Variants in TNFSF8 observed in about 807,000 individuals in gnomAD.
TNFSF8 encodes TNF superfamily member 8, also known as tumor necrosis factor ligand superfamily member 8.
TNFSF8 carries 4 observed loss-of-function variants against 22.0 expected under a neutral mutation model. That is an observed-to-expected ratio of 0.18 (90% CI 0.09 to 0.42). The LOEUF (loss-of-function observed/expected upper bound fraction) is 0.42. TNFSF8 is among the 10% of genes least tolerant of loss of function. The pLI is 1.00. For missense variants in TNFSF8, 233 were observed against 281.8 expected (o/e 0.83, Z 1.24); for synonymous variants, 106 against 112.5 (o/e 0.94, Z 0.37).
At chr9:114,923,646 T>C (rs1828021373) in intron 1 of TNFSF8, among the ~76,000 whole-genome samples, 1 of 151,878 alleles carries the variant, frequency 6.6e-6, no homozygotes, top group Non-Finnish European at 1.5e-5. Context: ...GCCTCCCTAG[T>C]AGCTGGGACT....
At chr9:114,928,151 G>C (rs1318642069) in intron 1 of TNFSF8, among the ~76,000 whole-genome samples, 1 of 152,154 alleles carries the variant, frequency 6.6e-6, no homozygotes, top group Non-Finnish European at 1.5e-5. Flanking sequence ...TGTACAATCA[G>C]ATTGCACAGT....
intron 1 of TNFSF8, among the ~76,000 whole-genome samples, chr9:114,922,666 G>A (rs992224481): frequency 1.3e-5 from 2 of 152,156 alleles, no homozygotes; most frequent in Non-Finnish European, 2.9e-5. Context: ...GGATAAAGCT[G>A]AGCAGAAAAA....
intron 1 of TNFSF8, among the ~76,000 whole-genome samples, chr9:114,923,522 C>CTTTCTTTCTTTCTTTCT (rs758823996): frequency 0.013 from 1,180 of 89,636 alleles, 19 homozygotes; most frequent in African/African-American, 0.03. Flanking sequence ...TTCTTTCTTT[C>CTTTCTTTCTTTCTTTCT]TTTTTTTTTT....
At chr9:114,895,757 A>G in intron 4 of TNFSF8, among the ~76,000 whole-genome samples, 1 of 152,186 alleles carries the variant, frequency 6.6e-6, no homozygotes, top group African/African-American at 2.4e-5. Flanking sequence ...TTCAGCTCAG[A>G]TTGAAACTGG....
chr9:114,918,131 A>C lies in TNFSF8; in HGVS notation c.203T>G (p.Ile68Ser). 2.5e-6 allele frequency: 4 copies of C among 1,606,916 alleles called. No individual in the cohort carries two copies. Among genetic ancestry groups the C allele is most frequent in the Non-Finnish European group, 3.4e-6 (4 of 1,176,680 alleles). The change falls in exon 2 of 4, where the codon ATT (isoleucine) becomes AGT (serine). Residue 68 changes from isoleucine to serine, a missense_variant. Coordinates refer to ENST00000223795, the MANE Select transcript of TNFSF8 (RefSeq NM_001244.4). ...GGGGACGTTGTCAGGTGAGTTGGGA[A>C]TGGAGTCCTGGAAGAAAAGAAAGAA... ...MVLVVQRTDS[I>S]PNSPDNVPLK...
At chr9:114,922,597 T>C (rs149949599) in intron 1 of TNFSF8, among the ~76,000 whole-genome samples, 2 of 152,310 alleles carry the variant, frequency 1.3e-5, no homozygotes, top group African/African-American at 4.8e-5. Flanking sequence ...ACTTAGGTGT[T>C]TGACTTTGAA....
rs1048337269 is a variant in TNFSF8 at position 114,928,505 on chromosome 9, G to A, written c.195+1604C>T. Among the ~76,000 whole-genome samples, 6 of 152,212 alleles carry A rather than the reference G, an allele frequency of 3.9e-5. No individual in the cohort carries two copies. The South Asian group carries it at 6.2e-4, about 16-fold the overall frequency. On this transcript the variant is annotated intron_variant, in intron 1 of 3. Coordinates refer to ENST00000223795, the MANE Select transcript of TNFSF8 (RefSeq NM_001244.4). ...CTCTCTAGCTTTATATATCACCATC[G>A]CCACCCATTTTTCCACCATCTCTCT... is the stretch of plus-strand genomic sequence containing the variant.
At chr9:114,927,450 C>G (rs1828077418) in intron 1 of TNFSF8, among the ~76,000 whole-genome samples, 1 of 152,184 alleles carries the variant, frequency 6.6e-6, no homozygotes, top group Non-Finnish European at 1.5e-5. Context: ...TCTCCTCTGT[C>G]TCTTTGCTCA....
At chr9:114,899,543 T>C (rs1332397675), downstream of TNFSF8, among the ~76,000 whole-genome samples, 1 of 152,152 alleles carries the variant, frequency 6.6e-6, no homozygotes, top group African/African-American at 2.4e-5. Flanking sequence ...TCTGGAGCTG[T>C]GCTTGTCCTT....
At position 114,902,881 on chromosome 9, in the gene TNFSF8, T is replaced by G; in HGVS notation, c.*1050A>C. On this transcript the variant is annotated 3_prime_UTR_variant, in exon 4 of 4. Coordinates refer to ENST00000223795, the MANE Select transcript of TNFSF8 (RefSeq NM_001244.4). ...TTTTATGTTGCCTTGGCAACCATTT[T>G]GTATACAAGTTTAATTTCTCATACC... 2 of 476,880 alleles carry G rather than the reference T, an allele frequency of 4.2e-6. No individual in the cohort carries two copies. The highest frequency in any genetic ancestry group is 5.5e-6 in the Non-Finnish European group (2 of 365,334). 29.5% of individuals were successfully genotyped at this position (476,880 alleles called of 1,614,324 possible). A position where few individuals can be genotyped will look rare whatever the true frequency, so the allele number is the denominator to read the frequency against.
intron 2 of TNFSF8, among the ~76,000 whole-genome samples, chr9:114,915,193 T>C (rs1369406408): frequency 6.6e-6 from 1 of 152,212 alleles, no homozygotes; most frequent in Non-Finnish European, 1.5e-5. Context: ...CTTCTGTGCC[T>C]GTTTAAGCTG....
chr9:114,895,945 T>G (rs1277089171), intron 4 of TNFSF8, among the ~76,000 whole-genome samples: 3 of 152,232 alleles, frequency 2.0e-5, no homozygotes, highest in Non-Finnish European at 4.4e-5. Flanking sequence ...AGGGAGACAG[T>G]TGGATCAAAA....
In TNFSF8 at chr9:114,901,455, C is replaced by T; in HGVS notation, c.*2476G>A. 2 of 985,394 alleles carry T rather than the reference C, an allele frequency of 2.0e-6. No homozygotes were observed. The highest frequency in any genetic ancestry group is 9.4e-5 in the South Asian group (2 of 21,294). The allele number at this position is 985,394 out of a possible 1,614,324, so 61.0% of individuals were successfully genotyped here. A position where few individuals can be genotyped will look rare whatever the true frequency, so the allele number is the denominator to read the frequency against. On this transcript the variant is annotated 3_prime_UTR_variant, in exon 4 of 4. Transcript: ENST00000223795. ...CACTCACAGTGCAAAAGTCAGGTACCTCTGCTCAGAGAACAGTTGGTGAAA... is the reference window on the plus strand; with the variant it reads ...CACTCACAGTGCAAAAGTCAGGTACTTCTGCTCAGAGAACAGTTGGTGAAA...
rs1469171548 is a variant in TNFSF8, at chr9:114,901,210, G to T, written c.*2721C>A. On this transcript the variant is annotated 3_prime_UTR_variant, in exon 4 of 4. Transcript: ENST00000223795. ...TCATTTTACTCATGGAGTATCATTT[G>T]CTCATAACATTCCCAGGGGCTGGTT... The T allele has an allele frequency of 1.0e-6, 1 of 985,286 alleles. No individual in the cohort carries two copies. Among genetic ancestry groups the T allele is most frequent in the African/African-American group, 1.7e-5 (1 of 57,212 alleles). The allele number at this position is 985,286 out of a possible 1,614,324, so 61.0% of individuals were successfully genotyped here.
intron 2 of TNFSF8, among the ~76,000 whole-genome samples, chr9:114,916,178 A>T (rs1277032887): frequency 2.6e-5 from 4 of 152,330 alleles, no homozygotes; most frequent in Admixed American, 6.5e-5. Context: ...ATGTTGTAAA[A>T]AAAGGACATT....
intron 3 of TNFSF8, among the ~76,000 whole-genome samples, chr9:114,905,491 T>G (rs3181197): frequency 6.6e-6 from 1 of 151,148 alleles, no homozygotes; most frequent in East Asian, 2.0e-4. Flanking sequence ...TTTGCTGAAA[T>G]TGGTAGGTAG....
At chr9:114,910,854 C>T (rs188813912) in intron 2 of TNFSF8, among the ~76,000 whole-genome samples, 19 of 152,288 alleles carry the variant, frequency 1.2e-4, no homozygotes, top group South Asian at 6.2e-4. Context: ...AAGGAAGACA[C>T]GATGCATCGC....
chr9:114,930,337 C>G lies in TNFSF8; in HGVS notation c.-34G>C. The G allele has an allele frequency of 7.1e-7, 1 of 1,412,318 alleles. No individual in the cohort carries two copies. Among genetic ancestry groups the G allele is most frequent in the Non-Finnish European group, 9.4e-7 (1 of 1,066,684 alleles). 87.5% of individuals were successfully genotyped at this position (1,412,318 alleles called of 1,614,324 possible). On this transcript the variant is annotated 5_prime_UTR_variant, in exon 1 of 4. Transcript: ENST00000223795. The stretch of plus-strand genomic sequence containing the variant: ...TAGTCTTCCCCACATCACACCTTAT[C>G]TCTCTTCATCTGATTCAGTTCTGGG...
At chr9:114,914,225 G>A (rs193270561) in intron 2 of TNFSF8, among the ~76,000 whole-genome samples, 15 of 152,270 alleles carry the variant, frequency 9.9e-5, no homozygotes, top group Admixed American at 5.2e-4. Context: ...CCCAGTGGCT[G>A]GAATAGCTGA....
Sources: allele counts gnomAD v4.1 joint callset (sites outside exome capture counted in the v4.1 genomes callset), GRCh38; gene constraint gnomAD v4.1.1; transcripts MANE v1.5; gene names NCBI Gene and HGNC (gene_info 2026-07-23, HGNC 2026-07-21).